KCNN1: variants seen among roughly 807,000 people sequenced by gnomAD.
KCNN1 encodes potassium calcium-activated channel subfamily N member 1, also known as small conductance calcium-activated potassium channel protein 1.
KCNN1 carries 20 observed loss-of-function variants against 44.7 expected under a neutral mutation model. The ratio of observed to expected loss-of-function variants is 0.45; its 90% CI spans 0.32 to 0.65. KCNN1 has a LOEUF of 0.65. KCNN1 is among the 30% of genes least tolerant of loss of function. The pLI is 0.05. For missense variants in KCNN1, 632 were observed against 785.3 expected (o/e 0.80, Z 2.33); for synonymous variants, 324 against 341.7 (o/e 0.95, Z 0.57).
intron 5 of KCNN1, among the ~76,000 whole-genome samples, chr19:17,987,626 G>A (rs889354743): frequency 3.3e-5 from 5 of 152,036 alleles, no homozygotes; most frequent in Admixed American, 1.3e-4. Context: ...CCTGGAAACC[G>A]AGACAGGGTT....
At chr19:17,960,003 A>T (rs1031383415) in intron 2 of KCNN1, among the ~76,000 whole-genome samples, 8 of 152,066 alleles carry the variant, frequency 5.3e-5, no homozygotes, top group Non-Finnish European at 8.8e-5. Context: ...GAATCACTTG[A>T]ACCCAGGAGG....
Position 17,975,163 on chromosome 19 carries a change from C to T in KCNN1, c.474C>T (p.Val158=), listed in dbSNP as rs752669619. The part of the protein sequence containing the change: ...LSTAILLGLV[V]LYHAREIQLF... ...CGGCCATCCTGCTGGGTCTCGTTGT[C>T]CTCTACCATGCCCGGGAGATCCAGG... Residue 158 remains valine (V), a synonymous_variant, in exon 3 of 10, where the codon GTC becomes GTT. Coordinates refer to ENST00000684775, the MANE Select transcript of KCNN1 (RefSeq NM_001386974.1). 6 of 1,613,568 alleles carry T rather than the reference C, an allele frequency of 3.7e-6. No homozygotes were observed. The South Asian group carries it at 6.6e-5, about 18-fold the overall frequency.
chr19:17,966,764 T>C (rs1258270100), upstream of KCNN1, among the ~76,000 whole-genome samples: 1 of 152,054 alleles, frequency 6.6e-6, no homozygotes, highest in African/African-American at 2.4e-5. Flanking sequence ...TGCAAAGTTG[T>C]CTTTCAGCTG....
At chr19:17,986,051 G>A (rs994348337) in intron 5 of KCNN1, among the ~76,000 whole-genome samples, 1 of 151,892 alleles carries the variant, frequency 6.6e-6, no homozygotes, top group Non-Finnish European at 1.5e-5. Context: ...GACCAACATG[G>A]AGAAACCCTG....
At chr19:17,978,653 A>G (rs1270576416) in intron 3 of KCNN1, among the ~76,000 whole-genome samples, 2 of 150,396 alleles carry the variant, frequency 1.3e-5, no homozygotes, top group African/African-American at 2.4e-5. Flanking sequence ...GGATTTTCCT[A>G]TGTTGCCCAG....
intron 3 of KCNN1, among the ~76,000 whole-genome samples, chr19:17,975,709 C>T (rs2145930371): frequency 6.6e-6 from 1 of 151,916 alleles, no homozygotes; most frequent in South Asian, 2.1e-4. Flanking sequence ...GTGTCAGCCA[C>T]TGCTCCTGGC....
Position 17,993,105 on chromosome 19 carries a change from G to T in KCNN1, c.1307+43G>T. 6.2e-7 allele frequency: 1 copy of T among 1,612,476 alleles called. No homozygotes were observed. The highest frequency in any genetic ancestry group is 8.5e-7 in the Non-Finnish European group (1 of 1,178,948). On this transcript the variant is annotated intron_variant, in intron 8 of 9. Transcript: ENST00000684775. The surrounding 1 kb of genome is among the most constrained non-coding windows in gnomAD (Gnocchi z 4.5). ...GGCTTGGTGGGGCTGGGAAATCGGGGGTGCATGGTGGTCACAGACAGGGGG... is the reference window on the plus strand; with the variant it reads ...GGCTTGGTGGGGCTGGGAAATCGGGTGTGCATGGTGGTCACAGACAGGGGG...
intron 3 of KCNN1, among the ~76,000 whole-genome samples, chr19:17,976,709 C>T (rs1431364301): frequency 2.0e-5 from 3 of 149,030 alleles, no homozygotes; most frequent in East Asian, 2.0e-4. Flanking sequence ...TGAGCCACCG[C>T]GCCCAGCATA....
At chr19:17,989,228 C>T (rs12460948) in intron 6 of KCNN1, among the ~76,000 whole-genome samples, 19,518 of 152,096 alleles carry the variant, frequency 0.13, 1,351 homozygotes, top group East Asian at 0.2. Context: ...GAGGCCGAGG[C>T]GGGCGGATCA....
At chr19:17,981,552 CAAA>C (rs71164338) in intron 3 of KCNN1, among the ~76,000 whole-genome samples, 154 bp from the exon 4 acceptor site, 3 of 90,028 alleles carry the variant, frequency 3.3e-5, no homozygotes, top group Non-Finnish European at 4.9e-5. Flanking sequence ...AACTCCATCT[CAAA>C]AAAAAAAAAA....
chr19:17,953,771 A>C (rs1044763201), intron 1 of KCNN1, among the ~76,000 whole-genome samples: 1 of 152,196 alleles, frequency 6.6e-6, no homozygotes, highest in Non-Finnish European at 1.5e-5. Flanking sequence ...TCTACAAAAA[A>C]TTAAAAAAAT....
intron 5 of KCNN1, among the ~76,000 whole-genome samples, chr19:17,986,602 A>G (rs896956871): frequency 4.6e-5 from 7 of 152,086 alleles, no homozygotes; most frequent in Admixed American, 3.9e-4. Flanking sequence ...CCCTCTTTCC[A>G]GAGCCTTCTT....
chr19:17,958,544 G>A (rs990374305), intron 2 of KCNN1, among the ~76,000 whole-genome samples: 2 of 144,526 alleles, frequency 1.4e-5, no homozygotes, highest in African/African-American at 5.1e-5. Flanking sequence ...ACAGTGCAGT[G>A]ATGCAATCTC....
chr19:17,981,027 GCC>G (rs2032386155), intron 3 of KCNN1, among the ~76,000 whole-genome samples: 1 of 151,972 alleles, frequency 6.6e-6, no homozygotes, highest in African/African-American at 2.4e-5. Context: ...GACCAGCCTG[GCC>G]AACATGGTGA....
At position 17,974,160 on chromosome 19, in the gene KCNN1, A is replaced by G. The variant is rs1348564582; in HGVS notation, c.272A>G (p.His91Arg). The G allele has an allele frequency of 2.5e-6, 4 of 1,613,496 alleles. No individual in the cohort carries two copies. In the Admixed American group the frequency reaches 6.7e-5, roughly 27 times the overall value. Residue 91 changes from histidine to arginine, a missense_variant, in exon 2 of 10, where the codon CAC becomes CGC. Transcript: ENST00000684775. This position sits in a 1 kb window ranked among gnomAD's most constrained non-coding sequence, Gnocchi z 7.3. ...TCGGGGAAACCCTCAAATGTGGGCC[A>G]CCGCCTGGGCCACCGGCGGGCGCTC... ...RASGKPSNVG[H>R]RLGHRRALFE...
At chr19:17,994,604 C>T (rs1055105903) in intron 9 of KCNN1, among the ~76,000 whole-genome samples, 12 of 152,032 alleles carry the variant, frequency 7.9e-5, no homozygotes, top group Admixed American at 6.6e-4. Context: ...AGTGCAGTGG[C>T]GTGATCTCAG....
chr19:17,975,609 C>A (rs534857354), intron 3 of KCNN1, among the ~76,000 whole-genome samples: 1 of 151,680 alleles, frequency 6.6e-6, no homozygotes, highest in African/African-American at 2.4e-5. Flanking sequence ...CTAGTAGAGA[C>A]GGGATTTCAC....
chr19:17,954,603 C>T (rs1568443199), exon 2 of KCNN1: 1 of 153,442 alleles, frequency 6.5e-6, no homozygotes, highest in African/African-American at 2.4e-5. Flanking sequence ...ACCCTCTCTC[C>T]CAGTCAAGTG....
chr19:17,995,526 A>G (rs2032955750), intron 9 of KCNN1, among the ~76,000 whole-genome samples: 1 of 152,046 alleles, frequency 6.6e-6, no homozygotes. Context: ...ATATACAGTT[A>G]ACTCTCGAAC....
Sources: allele counts gnomAD v4.1 joint callset (sites outside exome capture counted in the v4.1 genomes callset), GRCh38; gene constraint gnomAD v4.1.1; non-coding constraint Gnocchi (gnomAD v3.1); transcripts MANE v1.5; gene names NCBI Gene and HGNC (gene_info 2026-07-23, HGNC 2026-07-21).